MIA2: variants seen among roughly 807,000 people sequenced by gnomAD.
MIA2 encodes the protein MIA SH3 domain ER export factor 2, also known as melanoma inhibitory activity protein 2.
Under a neutral mutation model 167.8 loss-of-function variants are expected in MIA2, and 127 were observed. That is an observed-to-expected ratio of 0.76 (90% CI 0.66 to 0.88). MIA2 has a LOEUF of 0.88. MIA2 is among the 40% of genes least tolerant of loss of function. The pLI is 0.00. For synonymous variants in MIA2, 552 were observed against 541.9 expected, an observed-to-expected ratio of 1.02 and a Z score of -0.26; for missense variants, 1,690 against 1,624.7, an observed-to-expected ratio of 1.04 and a Z score of -0.69.
chr14:39,383,551 C>T (rs1277820433), intron 23 of MIA2, among the ~76,000 whole-genome samples: 1 of 152,132 alleles, frequency 6.6e-6, no homozygotes, highest in Non-Finnish European at 1.5e-5. Flanking sequence ...TAGGAAAAGT[C>T]CTATGTCTCT....
chr14:39,271,130 T>G (rs927633601), intron 6 of MIA2, among the ~76,000 whole-genome samples: 1 of 152,244 alleles, frequency 6.6e-6, no homozygotes, highest in Non-Finnish European at 1.5e-5. Flanking sequence ...TGATTTTGTT[T>G]CCATATATGT....
chr14:39,289,258 T>C (rs2060390919), intron 9 of MIA2, among the ~76,000 whole-genome samples: 1 of 151,788 alleles, frequency 6.6e-6, no homozygotes, highest in African/African-American at 2.4e-5. Context: ...TCTTGCTATG[T>C]CACTCAGGCT....
chr14:39,247,145 A>C lies in MIA2; in HGVS notation c.571A>C (p.Ser191Arg). 1 of 1,614,112 alleles carries C rather than the reference A, an allele frequency of 6.2e-7. No homozygotes were observed. The highest frequency in any genetic ancestry group is 8.5e-7 in the Non-Finnish European group (1 of 1,180,004). Residue 191 changes from serine (S) to arginine (R), a missense_variant, in exon 4 of 29, where the codon AGT (serine) becomes CGT (arginine). By Grantham distance (110) the Ser-to-Arg change is moderately radical (BLOSUM62 -1). Coordinates refer to ENST00000640607, the MANE Select transcript of MIA2 (RefSeq NM_001329214.4). ...LEAPEDIGST[S>R]ESKDWEEVVV... ...GGCTCCTGAAGATATCGGAAGTACCAGTGAATCAAAAGACTGGGAAGAAGT... is the reference window on the plus strand; with the variant it reads ...GGCTCCTGAAGATATCGGAAGTACCCGTGAATCAAAAGACTGGGAAGAAGT...
chr14:39,238,811 A>AAACAAAAAAC, intron 2 of MIA2, among the ~76,000 whole-genome samples: 7 of 103,592 alleles, frequency 6.8e-5, no homozygotes, highest in African/African-American at 2.0e-4. Flanking sequence ...AAAAAAAAAA[A>AAACAAAAAAC]CCCAAAAAAC....
intron 6 of MIA2, chr14:39,266,584 A>G: frequency 1.0e-6 from 1 of 985,516 alleles, no homozygotes; most frequent in South Asian, 4.7e-5. Context: ...AACTCTGACC[A>G]AACCACAGCT....
At chr14:39,267,777 C>T (rs752268603) in intron 6 of MIA2, among the ~76,000 whole-genome samples, 6 of 152,318 alleles carry the variant, frequency 3.9e-5, no homozygotes, top group Non-Finnish European at 7.3e-5. Context: ...CTGGACTTTG[C>T]AAAGATGTAA....
chr14:39,278,420 A>G (rs187017563), intron 7 of MIA2, among the ~76,000 whole-genome samples: 429 of 151,678 alleles, frequency 2.8e-3, no homozygotes, highest in African/African-American at 9.9e-3. Flanking sequence ...ACTGAAATCT[A>G]TTCTTCATCT....
chr14:39,300,122 T>C (rs2062148049), intron 14 of MIA2, 136 bp downstream of exon 14: 1 of 1,096,788 alleles, frequency 9.1e-7, no homozygotes. Context: ...TTTCAAATGT[T>C]TCTTGAAGAC....
intron 2 of MIA2, 37 bp downstream of exon 2, chr14:39,237,092 A>G: frequency 6.2e-7 from 1 of 1,603,348 alleles, no homozygotes; most frequent in Non-Finnish European, 8.5e-7. Context: ...TGCAGAATAA[A>G]TGACCAACTT....
intron 23 of MIA2, among the ~76,000 whole-genome samples, chr14:39,367,978 A>T (rs1234594142): frequency 6.6e-6 from 1 of 152,114 alleles, no homozygotes; most frequent in Non-Finnish European, 1.5e-5. Context: ...TCTGAAGGAA[A>T]TTTCATTTTG....
intron 23 of MIA2, among the ~76,000 whole-genome samples, chr14:39,376,030 T>G (rs2075039063): frequency 6.6e-6 from 1 of 152,228 alleles, no homozygotes. Flanking sequence ...CTCAGCTCAC[T>G]GCAACCTCCA....
At chr14:39,252,430 A>G (rs976059634) in intron 4 of MIA2, among the ~76,000 whole-genome samples, 1 of 152,202 alleles carries the variant, frequency 6.6e-6, no homozygotes, top group African/African-American at 2.4e-5. Flanking sequence ...AGAAAAAGCA[A>G]GGAAATAGAT....
At chr14:39,282,049 A>AT (rs1039835936) in intron 9 of MIA2, among the ~76,000 whole-genome samples, 1 of 151,752 alleles carries the variant, frequency 6.6e-6, no homozygotes, top group African/African-American at 2.4e-5. Flanking sequence ...TCTGGTGCTC[A>AT]TTTTTTCTCT....
At chr14:39,286,871 GTGT>G (rs2059888788) in intron 9 of MIA2, among the ~76,000 whole-genome samples, 1 of 136,562 alleles carries the variant, frequency 7.3e-6, no homozygotes, top group African/African-American at 2.6e-5. Flanking sequence ...TTTTCTGTGT[GTGT>G]GTGTGTGTGT....
intron 25 of MIA2, among the ~76,000 whole-genome samples, chr14:39,342,246 G>C (rs1327714037): frequency 6.8e-6 from 1 of 147,636 alleles, no homozygotes; most frequent in Non-Finnish European, 1.5e-5. Flanking sequence ...CCACCTATGA[G>C]TGAGAACATG....
chr14:39,263,603 T>G (rs114622898), intron 6 of MIA2, among the ~76,000 whole-genome samples: 2,787 of 150,976 alleles, frequency 0.018, 87 homozygotes, highest in African/African-American at 0.062. Flanking sequence ...CTCTTTTCCT[T>G]TATTTTCCTT....
intron 9 of MIA2, among the ~76,000 whole-genome samples, chr14:39,288,455 A>ATTTTTT (rs1566747448): frequency 5.7e-4 from 9 of 15,778 alleles, no homozygotes; most frequent in South Asian, 7.1e-3. Context: ...ATATATATAT[A>ATTTTTT]TATATATATA....
At chr14:39,383,330 C>A (rs1402652719) in intron 23 of MIA2, among the ~76,000 whole-genome samples, 1 of 152,128 alleles carries the variant, frequency 6.6e-6, no homozygotes, top group African/African-American at 2.4e-5. Context: ...TTATGGTTAT[C>A]TATGATCAGT....
At chr14:39,338,049 A>G (rs1477760779) in intron 25 of MIA2, among the ~76,000 whole-genome samples, 5 of 152,216 alleles carry the variant, frequency 3.3e-5, no homozygotes, top group Non-Finnish European at 7.3e-5. Flanking sequence ...AAATGACGGT[A>G]TAGAAACAGA....
Sources: allele counts gnomAD v4.1 joint callset (sites outside exome capture counted in the v4.1 genomes callset), GRCh38; gene constraint gnomAD v4.1.1; transcripts MANE v1.5; gene names NCBI Gene and HGNC (gene_info 2026-07-23, HGNC 2026-07-21).